CEP63: variants seen among roughly 807,000 people sequenced by gnomAD.
CEP63 encodes centrosomal protein of 63 kDa.
A neutral mutation model predicts 89.1 loss-of-function variants in CEP63; 84 were observed. The ratio of observed to expected loss-of-function variants is 0.94; its 90% CI spans 0.79 to 1.13. The LOEUF is 1.13. Ranked by LOEUF, CEP63 falls within the 50% of genes most tolerant of loss-of-function variation. The pLI is 0.00. For synonymous variants in CEP63, 267 were observed against 272.5 expected (o/e 0.98, Z 0.20); for missense variants, 838 against 813.3 (o/e 1.03, Z -0.37).
chr3:134,668,651 T>C, the CEP63 span, among the ~76,000 whole-genome samples: 2 of 152,318 alleles, frequency 1.3e-5, no homozygotes, highest in East Asian at 3.9e-4. Flanking sequence ...TCTGTCTGAG[T>C]GGTGTCCAGT....
At chr3:134,571,045 A>G (rs1577493725) in intron 11 of CEP63, among the ~76,000 whole-genome samples, 1 of 152,036 alleles carries the variant, frequency 6.6e-6, no homozygotes, top group Non-Finnish European at 1.5e-5. Flanking sequence ...TGATTCAACC[A>G]CCTCCCACTG....
chr3:134,633,309 T>C, the CEP63 span, among the ~76,000 whole-genome samples: 1 of 152,050 alleles, frequency 6.6e-6, no homozygotes, highest in African/African-American at 2.4e-5. Flanking sequence ...AAAAGAACAC[T>C]ACAGACCAAT....
chr3:134,762,883 C>T, the CEP63 span, among the ~76,000 whole-genome samples: 5 of 152,188 alleles, frequency 3.3e-5, no homozygotes, highest in Non-Finnish European at 7.3e-5. Context: ...AACAACCAAA[C>T]ACACCTCTAG....
At chr3:134,770,746 T>A in the CEP63 span, among the ~76,000 whole-genome samples, 1 of 152,178 alleles carries the variant, frequency 6.6e-6, no homozygotes. Flanking sequence ...GCATTCCCCC[T>A]CTGAGATTCC....
chr3:134,608,891 G>C, the CEP63 span: 4 of 1,559,256 alleles, frequency 2.6e-6, no homozygotes, highest in Non-Finnish European at 3.5e-6. Context: ...GGGAGGCAGG[G>C]GCCCAATACA....
At chr3:134,625,013 C>T in the CEP63 span, 1 of 1,546,806 alleles carries the variant, frequency 6.5e-7, no homozygotes, top group Non-Finnish European at 8.8e-7. Flanking sequence ...CTCTAAGCCA[C>T]CTTGAAGGGG....
intron 12 of CEP63, 39 bp downstream of exon 12, chr3:134,552,051 C>A (rs767235056): frequency 4.6e-6 from 5 of 1,088,874 alleles, no homozygotes; most frequent in African/African-American, 1.6e-5. Flanking sequence ...ACTATCCAAG[C>A]CTTCAAAAAA....
At chr3:134,643,232 C>T in the CEP63 span, 5 of 1,358,242 alleles carry the variant, frequency 3.7e-6, no homozygotes, top group South Asian at 6.1e-5. Context: ...GTCTGAGCTC[C>T]ACATCCTGGG....
chr3:134,543,175 A>G (rs1952407341), intron 6 of CEP63, among the ~76,000 whole-genome samples: 1 of 152,224 alleles, frequency 6.6e-6, no homozygotes, highest in South Asian at 2.1e-4. Flanking sequence ...TTTTAATAAT[A>G]TATTCAACTC....
At chr3:134,602,241 C>T in the CEP63 span, among the ~76,000 whole-genome samples, 5 of 152,148 alleles carry the variant, frequency 3.3e-5, no homozygotes, top group Non-Finnish European at 7.4e-5. Context: ...TGGGGCCTCT[C>T]TCGCCTTTCC....
the CEP63 span, chr3:134,629,339 A>G: frequency 2.4e-6 from 1 of 412,288 alleles, no homozygotes. Context: ...AACAAATGGT[A>G]TCTAAAAGCA....
At chr3:134,665,372 G>T in the CEP63 span, among the ~76,000 whole-genome samples, 1 of 152,204 alleles carries the variant, frequency 6.6e-6, no homozygotes, top group East Asian at 1.9e-4. Flanking sequence ...TGGAGTGGCT[G>T]TTGCACAAGC....
chr3:134,500,022 C>T (rs571372982), intron 2 of CEP63, among the ~76,000 whole-genome samples: 15 of 151,912 alleles, frequency 9.9e-5, no homozygotes, highest in African/African-American at 2.9e-4. Context: ...GATGGGATTT[C>T]GCCATGTTGG....
At chr3:134,607,307 C>T in the CEP63 span, 1 of 985,516 alleles carries the variant, frequency 1.0e-6, no homozygotes, top group Non-Finnish European at 1.2e-6. Flanking sequence ...CAAAGGAAGT[C>T]ATTGTGTGGT....
intron 10 of CEP63, among the ~76,000 whole-genome samples, chr3:134,582,173 G>A (rs1475070818): frequency 6.6e-6 from 1 of 150,674 alleles, no homozygotes; most frequent in African/African-American, 2.4e-5. Flanking sequence ...TATAACTACA[G>A]TGGATGGGTT....
At chr3:134,629,435 G>A in the CEP63 span, 17 of 560,290 alleles carry the variant, frequency 3.0e-5, no homozygotes, top group East Asian at 2.6e-4. Context: ...CAAAATCAGC[G>A]GTAGCTGGGT....
chr3:134,604,103 C>T, the CEP63 span: 4 of 1,612,072 alleles, frequency 2.5e-6, no homozygotes, highest in African/African-American at 5.3e-5. Flanking sequence ...TTAATGCCCT[C>T]CTCCACGCTG....
chr3:134,511,462 A>G (rs1188710388), intron 3 of CEP63: 5 of 152,788 alleles, frequency 3.3e-5, no homozygotes, highest in African/African-American at 1.2e-4. Context: ...TAACACATTC[A>G]TAATCCAATT....
chr3:134,625,380 G>A, the CEP63 span, among the ~76,000 whole-genome samples: 1 of 152,260 alleles, frequency 6.6e-6, no homozygotes, highest in African/African-American at 2.4e-5. Context: ...TACGCCTATT[G>A]TAGACTCTGA....
Sources: gnomAD v4.1 joint callset for allele counts (sites outside exome capture counted in the v4.1 genomes callset) on GRCh38, gnomAD v4.1.1 for gene constraint, MANE v1.5 for transcripts, NCBI Gene and HGNC (gene_info 2026-07-23, HGNC 2026-07-21) for gene names.